Variants in DLGAP3 observed in about 807,000 individuals in gnomAD.
DLGAP3 encodes the protein disks large-associated protein 3.
Under a neutral mutation model 81.2 loss-of-function variants are expected in DLGAP3, and 17 were observed. That is an observed-to-expected ratio of 0.21 (90% confidence interval 0.14 to 0.31). The LOEUF is 0.31. DLGAP3 is among the 10% of genes least tolerant of loss of function. The pLI, the probability that DLGAP3 is intolerant of heterozygous loss-of-function variation, is 1.00. For missense variants in DLGAP3, 1,124 were observed against 1,388.0 expected (o/e 0.81, Z 3.02); for synonymous variants, 577 against 587.4 (o/e 0.98, Z 0.26).
At position 34,885,597 on chromosome 1, in the gene DLGAP3, G is replaced by A. The variant is rs764114823; in HGVS notation, c.1795C>T (p.Pro599Ser). 2.5e-6 allele frequency: 4 copies of A among 1,589,912 alleles called. No individual in the cohort carries two copies. The highest frequency in any genetic ancestry group is 3.4e-6 in the Non-Finnish European group (4 of 1,173,434). Residue 599 changes from proline (P) to serine (S), a missense_variant, in exon 7 of 12, where the codon CCG becomes TCG. This residue lies in a region of DLGAP3 where 379 missense variants were observed against 455.7 expected (regional missense o/e 0.83). Coordinates refer to ENST00000373347, the MANE Select transcript of DLGAP3 (RefSeq NM_001080418.3). ...TTGGGGCTGGCCCGGGGCGGCACCGGCGCCAACTCCAGTGTGCGCGCACCC... is the reference window on the plus strand; with the variant it reads ...TTGGGGCTGGCCCGGGGCGGCACCGACGCCAACTCCAGTGTGCGCGCACCC... ...AMGARTLELA[P>S]VPPRASPKPP...
In DLGAP3 at chr1:34,900,804, C is replaced by G. The variant is rs12081272; in HGVS notation, c.1108-531G>C. 0.064 allele frequency among the ~76,000 whole-genome samples: 9,680 copies of G among 152,100 alleles called. 1,085 individuals are homozygous for G. Among genetic ancestry groups the G allele is most frequent in the African/African-American group, 0.22 (9,139 of 41,442 alleles). On this transcript the variant is annotated intron_variant, in intron 3 of 11. Transcript: ENST00000373347. The surrounding 1 kb of genome is among the most constrained non-coding windows in gnomAD (Gnocchi z 5.6). ...AGGAGCAGGGCAGAGGCTCAAGTGG[C>G]GAGAGGACGACCAATTAGGAGGCTG...
Position 34,904,932 on chromosome 1 carries a change from C to G in DLGAP3, c.452G>C (p.Gly151Ala). The change falls in exon 3 of 12, where the codon GGG becomes GCG. Residue 151 changes from glycine (G) to alanine (A), a missense_variant. Gly to Ala is a moderately conservative substitution (Grantham distance 60). Around this residue, in one of 9 missense-constraint regions of DLGAP3, gnomAD observed 65 missense variants for 78.2 expected, o/e 0.83. Coordinates refer to ENST00000373347, the MANE Select transcript of DLGAP3 (RefSeq NM_001080418.3). This position sits in a 1 kb window ranked among gnomAD's most constrained non-coding sequence, Gnocchi z 8.1. Reference sequence around the variant, plus strand: ...GGCAGTGCCCGTCCCTGGCGCTGGCCCGGGCCCTGCCCCTGCTGGCCCTCG... The same window carrying G: ...GGCAGTGCCCGTCCCTGGCGCTGGCGCGGGCCCTGCCCCTGCTGGCCCTCG... Reference protein sequence around the residue: ...YQRGPAGAGPGPAPGTGTAPE... With the variant: ...YQRGPAGAGPAPAPGTGTAPE... The G allele has an allele frequency of 6.2e-7, 1 of 1,612,554 alleles. No individual in the cohort carries two copies. The highest frequency in any genetic ancestry group is 1.7e-4 in the Middle Eastern group (1 of 6,012).
At position 34,867,667 on chromosome 1, in the gene DLGAP3, T is replaced by C. The variant is rs371640894; in HGVS notation, c.2486-40A>G. 1,347 of 1,516,974 alleles carry C rather than the reference T, an allele frequency of 8.9e-4. 4 individuals carry two copies. The highest frequency in any genetic ancestry group is 1.1e-3 in the Non-Finnish European group (1,173 of 1,093,060). 94.0% of individuals were successfully genotyped at this position (1,516,974 alleles called of 1,614,324 possible). On this transcript the variant is annotated intron_variant, in intron 9 of 11. Transcript: ENST00000373347. The surrounding 1 kb of genome is among the most constrained non-coding windows in gnomAD (Gnocchi z 4.3). ...GAAATTCAGGGAGGGAAATGATGCA[T>C]CTCCTTCCCCAGCCTCCACGAAGTC...
At chr1:34,898,656 T>C (rs1639411071) in intron 5 of DLGAP3, among the ~76,000 whole-genome samples, 1 of 152,208 alleles carries the variant, frequency 6.6e-6, no homozygotes, top group South Asian at 2.1e-4. Flanking sequence ...AAGAACACTA[T>C]TATGATGCCT....
At chr1:34,913,017 A>T (rs12726248) in intron 1 of DLGAP3, among the ~76,000 whole-genome samples, 28,186 of 151,970 alleles carry the variant, frequency 0.19, 2,742 homozygotes, top group Middle Eastern at 0.28. Context: ...GGCCTCCCTC[A>T]ACCCCACTAG....
At chr1:34,924,509 A>G (rs1012187189) in intron 1 of DLGAP3, among the ~76,000 whole-genome samples, 1 of 152,184 alleles carries the variant, frequency 6.6e-6, no homozygotes, top group Non-Finnish European at 1.5e-5. Flanking sequence ...AGGGAATATC[A>G]AGTTGTCAGT....
rs746992705 is a variant in DLGAP3, at chr1:34,868,810, G to A, written c.2280C>T (p.Pro760=). Residue 760 remains proline, a synonymous_variant, in exon 9 of 12, where the codon CCC becomes CCT. Coordinates refer to ENST00000373347, the MANE Select transcript of DLGAP3 (RefSeq NM_001080418.3). This position sits in a 1 kb window ranked among gnomAD's most constrained non-coding sequence, Gnocchi z 7.5. ...CGGCCCCAGGGCCGGGGGTGGGGGC[G>A]GGGGCAGGGCCGGGCGACCCATCGG... is the stretch of plus-strand genomic sequence containing the variant. ...PATDGSPGPA[P]APTPGPGAGR... 38 of 1,582,358 alleles carry A rather than the reference G, an allele frequency of 2.4e-5. No individual in the cohort carries two copies. The highest frequency in any genetic ancestry group is 3.4e-5 in the Admixed American group (2 of 58,416).
chr1:34,894,005 T>C (rs536398384), intron 5 of DLGAP3, among the ~76,000 whole-genome samples: 8 of 152,174 alleles, frequency 5.3e-5, no homozygotes, highest in African/African-American at 7.2e-5. Flanking sequence ...CTGGGCAACA[T>C]AGTGAAGCCC....
chr1:34,894,981 T>C (rs1159723254), intron 5 of DLGAP3, among the ~76,000 whole-genome samples: 1 of 152,214 alleles, frequency 6.6e-6, no homozygotes, highest in Non-Finnish European at 1.5e-5. Context: ...ATTCACTTGA[T>C]TTCATTATTC....
Position 34,865,567 on chromosome 1 carries a change from C to T in DLGAP3, c.*516G>A, listed in dbSNP as rs1210793288. On this transcript the variant is annotated 3_prime_UTR_variant, in exon 12 of 12. Coordinates refer to ENST00000373347, the MANE Select transcript of DLGAP3 (RefSeq NM_001080418.3). ...GGGGAGAGGCCCAGGCGCCCTGGTCCTGGGTTGGTCCAGCCACTGTGGTCC... is the reference window on the plus strand; with the variant it reads ...GGGGAGAGGCCCAGGCGCCCTGGTCTTGGGTTGGTCCAGCCACTGTGGTCC... 2 of 190,190 alleles carry T rather than the reference C, an allele frequency of 1.1e-5. No individual in the cohort carries two copies. Among genetic ancestry groups the T allele is most frequent in the Non-Finnish European group, 2.2e-5 (2 of 91,116 alleles). 11.8% of individuals were successfully genotyped at this position (190,190 alleles called of 1,614,324 possible).
At chr1:34,871,342 CCT>C (rs1361844751) in intron 8 of DLGAP3, among the ~76,000 whole-genome samples, 2 of 152,194 alleles carry the variant, frequency 1.3e-5, no homozygotes, top group Non-Finnish European at 2.9e-5. Flanking sequence ...CCTGAAATGG[CCT>C]TCCTCCTCCT....
At chr1:34,913,932 T>C (rs1473627266) in intron 1 of DLGAP3, among the ~76,000 whole-genome samples, 1 of 152,174 alleles carries the variant, frequency 6.6e-6, no homozygotes, top group East Asian at 1.9e-4. Context: ...TCCAGTTGCA[T>C]CTAGGTCTCC....
intron 8 of DLGAP3, among the ~76,000 whole-genome samples, chr1:34,880,148 G>A (rs2148398708): frequency 6.6e-6 from 1 of 152,220 alleles, no homozygotes; most frequent in East Asian, 1.9e-4. Context: ...CAAACCCATG[G>A]GTTCAAGTTA....
intron 5 of DLGAP3, among the ~76,000 whole-genome samples, chr1:34,898,091 A>G (rs1158199463): frequency 2.0e-5 from 3 of 152,196 alleles, no homozygotes; most frequent in Non-Finnish European, 2.9e-5. Flanking sequence ...TGAGATTTCA[A>G]TACACAGTTA....
At chr1:34,876,468 G>A (rs979620403) in intron 8 of DLGAP3, among the ~76,000 whole-genome samples, 9 of 152,200 alleles carry the variant, frequency 5.9e-5, no homozygotes, top group South Asian at 2.1e-4. Context: ...TGTGTGTGGC[G>A]GGCCAGGCCT....
chr1:34,915,209 C>T (rs1477042934), intron 1 of DLGAP3, among the ~76,000 whole-genome samples: 1 of 152,216 alleles, frequency 6.6e-6, no homozygotes, highest in Non-Finnish European at 1.5e-5. Context: ...ATCACAATAC[C>T]TACCTCCTTA....
intron 8 of DLGAP3, among the ~76,000 whole-genome samples, chr1:34,869,614 C>T (rs1638949259): frequency 6.6e-6 from 1 of 151,620 alleles, no homozygotes; most frequent in Non-Finnish European, 1.5e-5. Flanking sequence ...TTCAGCCTCC[C>T]GAGTAACTGG....
In DLGAP3 at chr1:34,885,598, C is replaced by A; in HGVS notation, c.1794G>T (p.Ala598=). The part of the protein sequence containing the change: ...PAMGARTLEL[A]PVPPRASPKP... The stretch of plus-strand genomic sequence containing the variant: ...TGGGGCTGGCCCGGGGCGGCACCGG[C>A]GCCAACTCCAGTGTGCGCGCACCCA... The change falls in exon 7 of 12, where the codon GCG becomes GCT. Residue 598 remains alanine (A), a synonymous_variant. Coordinates refer to ENST00000373347, the MANE Select transcript of DLGAP3 (RefSeq NM_001080418.3). 1 of 1,589,060 alleles carries A rather than the reference C, an allele frequency of 6.3e-7. No homozygotes were observed. The highest frequency in any genetic ancestry group is 1.1e-5 in the South Asian group (1 of 89,208).
At chr1:34,879,883 AAGTT>A (rs1196970957) in intron 8 of DLGAP3, among the ~76,000 whole-genome samples, 1 of 152,158 alleles carries the variant, frequency 6.6e-6, no homozygotes, top group African/African-American at 2.4e-5. Flanking sequence ...AAAATATTGA[AAGTT>A]AGGGATGAAT....
Sources: gnomAD v4.1 joint callset for allele counts (sites outside exome capture counted in the v4.1 genomes callset) on GRCh38, gnomAD v4.1.1 for gene constraint, gnomAD v4.1.1 regional missense constraint, Gnocchi (gnomAD v3.1) non-coding constraint, MANE v1.5 for transcripts, NCBI Gene and HGNC (gene_info 2026-07-23, HGNC 2026-07-21) for gene names.